FSHR: variants seen among roughly 807,000 people sequenced by gnomAD.
The protein encoded by FSHR is follicle-stimulating hormone receptor.
A neutral mutation model predicts 52.1 loss-of-function variants in FSHR; 46 were observed. The observed-to-expected ratio is 0.88, with a 90% CI of 0.70 to 1.13. The LOEUF (loss-of-function observed/expected upper bound fraction) is 1.13, where lower values mean the gene tolerates loss of function less well. Ranked by LOEUF, FSHR falls within the 50% of genes most tolerant of loss-of-function variation. FSHR has a pLI of 0.00. For missense variants in FSHR, 964 were observed against 834.6 expected, an observed-to-expected ratio of 1.16 and a Z score of -1.91; for synonymous variants, 399 against 309.6, an observed-to-expected ratio of 1.29 and a Z score of -3.03.
At chr2:49,145,208 C>T (rs1198075841) in intron 1 of FSHR, among the ~76,000 whole-genome samples, 1 of 152,140 alleles carries the variant, frequency 6.6e-6, no homozygotes, top group African/African-American at 2.4e-5. Flanking sequence ...CTCTTTTCTA[C>T]CTTCTGTGTT....
intron 1 of FSHR, among the ~76,000 whole-genome samples, chr2:49,144,948 C>G (rs1285155114): frequency 2.6e-5 from 4 of 152,060 alleles, no homozygotes; most frequent in African/African-American, 4.8e-5. Flanking sequence ...ATTACTGTCC[C>G]CCTCATGCCA....
At chr2:49,066,040 T>A (rs577487300) in intron 2 of FSHR, among the ~76,000 whole-genome samples, 1 of 152,058 alleles carries the variant, frequency 6.6e-6, no homozygotes, top group Admixed American at 6.6e-5. Context: ...ATAGAATAAT[T>A]TAATAGTGTT....
intron 4 of FSHR, among the ~76,000 whole-genome samples, chr2:49,004,242 C>T (rs1474300454): frequency 6.6e-6 from 1 of 152,160 alleles, no homozygotes; most frequent in African/African-American, 2.4e-5. Flanking sequence ...TTGTCAGGGA[C>T]TGGGGTGGCA....
intron 1 of FSHR, among the ~76,000 whole-genome samples, chr2:49,149,632 T>C (rs749241117): frequency 6.6e-5 from 10 of 152,058 alleles, no homozygotes; most frequent in Non-Finnish European, 8.8e-5. Context: ...CTACCCTTTT[T>C]GTACACGATT....
chr2:48,992,068 TG>T (rs1432498664), intron 4 of FSHR, among the ~76,000 whole-genome samples: 1 of 152,148 alleles, frequency 6.6e-6, no homozygotes, highest in Non-Finnish European at 1.5e-5. Flanking sequence ...ACATAGAAGC[TG>T]TCTTGGGCAA....
intron 9 of FSHR, among the ~76,000 whole-genome samples, chr2:48,968,313 G>A (rs2104006621): frequency 6.6e-6 from 1 of 152,324 alleles, no homozygotes; most frequent in South Asian, 2.1e-4. Context: ...CCCCACCAAA[G>A]ATGACACGGA....
At chr2:49,058,835 C>A in intron 2 of FSHR, among the ~76,000 whole-genome samples, 1 of 152,168 alleles carries the variant, frequency 6.6e-6, no homozygotes, top group East Asian at 1.9e-4. Flanking sequence ...ATCCCAAGCT[C>A]ATGGATGTGA....
intron 4 of FSHR, among the ~76,000 whole-genome samples, chr2:49,001,752 C>A (rs1666895179): frequency 1.3e-5 from 2 of 152,240 alleles, no homozygotes; most frequent in East Asian, 3.9e-4. Flanking sequence ...GAGCACTGGG[C>A]ACATTGATGT....
intron 1 of FSHR, among the ~76,000 whole-genome samples, chr2:49,139,180 G>A (rs1246315768): frequency 6.6e-6 from 1 of 152,164 alleles, no homozygotes; most frequent in Non-Finnish European, 1.5e-5. Context: ...GTTTTCACAG[G>A]AGACTTGGCC....
rs147947791 is a variant in FSHR at position 49,116,348 on chromosome 2, A to G, written c.152+37918T>C. Among the ~76,000 whole-genome samples the G allele has an allele frequency of 1.4e-4, 21 of 152,302 alleles. No individual in the cohort carries two copies. The East Asian group carries it at 4.0e-3, about 29-fold the overall frequency. On this transcript the variant is annotated intron_variant, in intron 1 of 9. Transcript: ENST00000406846. ...GATAACGGCTGACCTAGGAGTTTGAAGGCTCTGACACTTGCGTTACTTAGA... is the reference window on the plus strand; with the variant it reads ...GATAACGGCTGACCTAGGAGTTTGAGGGCTCTGACACTTGCGTTACTTAGA...
chr2:49,148,416 C>A (rs1488420100), intron 1 of FSHR, among the ~76,000 whole-genome samples: 1 of 151,974 alleles, frequency 6.6e-6, no homozygotes, highest in Non-Finnish European at 1.5e-5. Context: ...TATAAGAATT[C>A]TTTATTCAAT....
At position 49,154,354 on chromosome 2, in the gene FSHR, T is replaced by C. The variant is rs1673169581; in HGVS notation, c.64A>G (p.Ile22Val). 6.2e-7 allele frequency: 1 copy of C among 1,613,490 alleles called. No homozygotes were observed. The highest frequency in any genetic ancestry group is 8.5e-7 in the Non-Finnish European group (1 of 1,179,916). The change falls in exon 1 of 10, where the codon ATC becomes GTC. Residue 22 changes from isoleucine (I) to valine (V), a missense_variant. By Grantham distance (29) the Ile-to-Val change is conservative. Coordinates refer to ENST00000406846, the MANE Select transcript of FSHR (RefSeq NM_000145.4). ...LSLGSGCHHRICHCSNRVFLC... is the reference protein window; with the variant it reads ...LSLGSGCHHRVCHCSNRVFLC... ...AAAACCCTGTTAGAGCAGTGACAGA[T>C]CCGATGATGACATCCTGAGCCCAAG... is the stretch of plus-strand genomic sequence containing the variant.
intron 2 of FSHR, among the ~76,000 whole-genome samples, chr2:49,043,733 T>C (rs537143960): frequency 4.3e-4 from 65 of 152,316 alleles, no homozygotes; most frequent in Middle Eastern, 3.4e-3. Flanking sequence ...TCTATTCCTG[T>C]TTGAACATTC....
At chr2:49,052,205 C>G in intron 2 of FSHR, among the ~76,000 whole-genome samples, 1 of 152,118 alleles carries the variant, frequency 6.6e-6, no homozygotes, top group East Asian at 1.9e-4. Context: ...TCAAAACACC[C>G]CATTTAATCC....
rs549605241 is a variant in FSHR, at chr2:49,020,788, C to G, written c.225-628G>C. 3.9e-5 allele frequency among the ~76,000 whole-genome samples: 6 copies of G among 152,290 alleles called. No homozygotes were observed. In the East Asian group the frequency reaches 1.2e-3, roughly 29 times the overall value. On this transcript the variant is annotated intron_variant, in intron 2 of 9. Coordinates refer to ENST00000406846, the MANE Select transcript of FSHR (RefSeq NM_000145.4). ...AGAGATGAGAACTTCAATCCAGTCT[C>G]TTTTAAAATACACATATGTTTGTTG...
At chr2:49,102,530 C>T (rs1671069570) in intron 1 of FSHR, among the ~76,000 whole-genome samples, 1 of 152,116 alleles carries the variant, frequency 6.6e-6, no homozygotes. Context: ...GATCATAGAA[C>T]AGACAAGTGC....
At chr2:49,127,836 T>G (rs1480929413) in intron 1 of FSHR, among the ~76,000 whole-genome samples, 1 of 11,770 alleles carries the variant, frequency 8.5e-5, no homozygotes. Context: ...CTTCCTCTTC[T>G]TCTTCTTCTT....
chr2:48,987,837 A>AACGC, intron 6 of FSHR, among the ~76,000 whole-genome samples: 1 of 146,136 alleles, frequency 6.8e-6, no homozygotes, highest in African/African-American at 2.5e-5. Flanking sequence ...ACCTCATCTC[A>AACGC]ACACACACAC....
At chr2:48,987,837 AACACACACAC>A (rs72108367) in intron 6 of FSHR, among the ~76,000 whole-genome samples, 17 of 146,134 alleles carry the variant, frequency 1.2e-4, no homozygotes, top group Non-Finnish European at 2.0e-4. Context: ...ACCTCATCTC[AACACACACAC>A]ACACACACAC....
Sources: allele counts gnomAD v4.1 joint callset (sites outside exome capture counted in the v4.1 genomes callset), GRCh38; gene constraint gnomAD v4.1.1; transcripts MANE v1.5; gene names NCBI Gene and HGNC (gene_info 2026-07-23, HGNC 2026-07-21).